NRP1: variants seen among roughly 807,000 people sequenced by gnomAD.
NRP1 encodes the protein neuropilin-1.
A neutral mutation model predicts 106.7 loss-of-function variants in NRP1; 35 were observed. That is an observed-to-expected ratio of 0.33 (90% CI 0.25 to 0.43). NRP1 has a LOEUF of 0.43. Ranked by LOEUF, NRP1 falls within the 20% of genes least tolerant of loss-of-function variation. The pLI, the probability that NRP1 is intolerant of heterozygous loss-of-function variation, is 1.00. For missense variants in NRP1, 1,024 were observed against 1,170.4 expected, an observed-to-expected ratio of 0.87 and a Z score of 1.83; for synonymous variants, 437 against 417.9, an observed-to-expected ratio of 1.05 and a Z score of -0.56.
In NRP1 at chr10:33,254,054, C is replaced by G. The variant is rs1393110479; in HGVS notation, c.955G>C (p.Glu319Gln). The change falls in exon 6 of 17, where the codon GAG (glutamate) becomes CAG (glutamine). Residue 319 changes from glutamate (E) to glutamine (Q), a missense_variant. Physicochemically the swap from Glu to Gln is conservative, Grantham distance 29. This residue lies in a region of NRP1 where 562 missense variants were observed against 620.3 expected (regional missense o/e 0.91). Transcript: ENST00000374867. The stretch of plus-strand genomic sequence containing the variant: ...TGTATCCACTCTCGGTAGGAATCCT[C>G]TCCGGGAGTCCACCCATTCTCAGGG... ...NYPENGWTPG[E>Q]DSYREWIQVD... 8.1e-6 allele frequency: 13 copies of G among 1,612,680 alleles called. No individual in the cohort carries two copies. The highest frequency in any genetic ancestry group is 1.0e-5 in the Non-Finnish European group (12 of 1,179,672).
At chr10:33,242,492 T>A (rs1373628755) in intron 6 of NRP1, among the ~76,000 whole-genome samples, 1 of 152,212 alleles carries the variant, frequency 6.6e-6, no homozygotes, top group Non-Finnish European at 1.5e-5. Context: ...ACCTGGCCAG[T>A]AAAATTCTGC....
chr10:33,210,620 G>A (rs1450363169), intron 9 of NRP1, among the ~76,000 whole-genome samples: 1 of 152,182 alleles, frequency 6.6e-6, no homozygotes, highest in Admixed American at 6.5e-5. Flanking sequence ...GACTTTGAGT[G>A]TTTCGACCTT....
intron 2 of NRP1, among the ~76,000 whole-genome samples, chr10:33,296,675 T>C (rs1221598439): frequency 6.6e-6 from 1 of 152,116 alleles, no homozygotes; most frequent in Non-Finnish European, 1.5e-5. Flanking sequence ...AGTCAGTGAG[T>C]CCCTGGGAAG....
intron 2 of NRP1, among the ~76,000 whole-genome samples, chr10:33,325,953 A>C (rs935698438): frequency 6.6e-6 from 1 of 152,134 alleles, no homozygotes; most frequent in Non-Finnish European, 1.5e-5. Context: ...TCAGTAGGAA[A>C]AGCACTACTG....
intron 2 of NRP1, among the ~76,000 whole-genome samples, chr10:33,308,035 A>G (rs1846293688): frequency 6.6e-6 from 1 of 152,226 alleles, no homozygotes; most frequent in African/African-American, 2.4e-5. Context: ...CTACGCAGCC[A>G]TAAAAAAGAA....
intron 4 of NRP1, among the ~76,000 whole-genome samples, chr10:33,260,577 C>T (rs1201216012): frequency 6.6e-5 from 10 of 152,126 alleles, no homozygotes; most frequent in Non-Finnish European, 1.5e-4. Context: ...CATCCAGCAC[C>T]AACACTTCCA....
At chr10:33,326,566 T>C (rs1847903307) in intron 2 of NRP1, among the ~76,000 whole-genome samples, 1 of 152,158 alleles carries the variant, frequency 6.6e-6, no homozygotes, top group Non-Finnish European at 1.5e-5. Context: ...AAATCCTAGT[T>C]CTGTGTTAGC....
chr10:33,194,594 TC>T (rs1836642954), intron 12 of NRP1: 4 of 408,664 alleles, frequency 9.8e-6, no homozygotes, highest in East Asian at 7.2e-5. Context: ...CCAATGTCCT[TC>T]CCCATCCTGT....
intron 7 of NRP1, among the ~76,000 whole-genome samples, chr10:33,222,470 A>G (rs998801436): frequency 6.6e-6 from 1 of 152,150 alleles, no homozygotes; most frequent in East Asian, 1.9e-4. Flanking sequence ...TTAACTAAAA[A>G]TCAGTTTTTC....
intron 2 of NRP1, among the ~76,000 whole-genome samples, chr10:33,280,427 A>G (rs1036122460): frequency 3.3e-5 from 5 of 152,182 alleles, no homozygotes; most frequent in Non-Finnish European, 7.3e-5. Flanking sequence ...ATTCCCATGT[A>G]AAACTGTGCC....
chr10:33,328,013 AGAGC>A, intron 2 of NRP1, among the ~76,000 whole-genome samples: 1 of 152,128 alleles, frequency 6.6e-6, no homozygotes, highest in Non-Finnish European at 1.5e-5. Flanking sequence ...ACCTTCACAG[AGAGC>A]AAAGCCTCAG....
chr10:33,192,477 T>C, intron 12 of NRP1, 59 bp from the exon 13 acceptor site: 1 of 1,586,374 alleles, frequency 6.3e-7, no homozygotes, highest in Non-Finnish European at 8.6e-7. Flanking sequence ...TTTGATCATT[T>C]AGGGTCACAA....
intron 3 of NRP1, among the ~76,000 whole-genome samples, chr10:33,268,318 A>T (rs1843060911): frequency 6.6e-6 from 1 of 151,874 alleles, no homozygotes; most frequent in Non-Finnish European, 1.5e-5. Flanking sequence ...TGTGAGCAGG[A>T]TAGAGTCACA....
chr10:33,332,878 A>AGTGTGT (rs34920873), intron 1 of NRP1, among the ~76,000 whole-genome samples: 172 of 150,000 alleles, frequency 1.1e-3, no homozygotes, highest in East Asian at 7.9e-3. Context: ...AAAACTAAGA[A>AGTGTGT]GTGTGTGTGT....
intron 8 of NRP1, 123 bp downstream of exon 8, chr10:33,221,596 T>C: frequency 8.8e-7 from 1 of 1,133,388 alleles, no homozygotes; most frequent in Non-Finnish European, 1.3e-6. Context: ...TAGATGCTTT[T>C]AATTGTCAAA....
At position 33,180,149 on chromosome 10, in the gene NRP1, T is replaced by C; in HGVS notation, c.2699A>G (p.Asn900Ser). Reference protein sequence around the residue: ...ERNLSALENYNFELVDGVKLK... With the variant: ...ERNLSALENYSFELVDGVKLK... ...CTTCACACCATCCACAAGTTCAAAG[T>C]TATAGTTCTCCAGGGCAGACAAGTT... is the stretch of plus-strand genomic sequence containing the variant. The change falls in exon 17 of 17, where the codon AAC (asparagine) becomes AGC (serine). Residue 900 changes from asparagine (N) to serine (S), a missense_variant. Asn to Ser is a conservative substitution (Grantham distance 46). Around this residue, in one of 5 missense-constraint regions of NRP1, gnomAD observed 164 missense variants for 161.4 expected, o/e 1.02. Transcript: ENST00000374867. 6.2e-7 allele frequency: 1 copy of C among 1,614,120 alleles called. No individual in the cohort carries two copies. The highest frequency in any genetic ancestry group is 8.5e-7 in the Non-Finnish European group (1 of 1,180,022).
At chr10:33,208,075 G>A (rs558809488) in intron 9 of NRP1, among the ~76,000 whole-genome samples, 48 of 152,154 alleles carry the variant, frequency 3.2e-4, no homozygotes, top group African/African-American at 1.1e-3. Flanking sequence ...ACAGGCACCC[G>A]CCACCATGCC....
At chr10:33,288,643 G>A (rs1420612167) in intron 2 of NRP1, 2 of 152,074 alleles carry the variant, frequency 1.3e-5, no homozygotes, top group South Asian at 2.1e-4. Context: ...GCCTGATGTC[G>A]CTTATCTAAA....
chr10:33,265,456 C>T (rs1385827803), intron 3 of NRP1, among the ~76,000 whole-genome samples: 1 of 152,230 alleles, frequency 6.6e-6, no homozygotes, highest in Non-Finnish European at 1.5e-5. Flanking sequence ...AAGTGCCAGG[C>T]AACTAGAGGC....
Sources: gnomAD v4.1 joint callset for allele counts (sites outside exome capture counted in the v4.1 genomes callset) on GRCh38, gnomAD v4.1.1 for gene constraint, gnomAD v4.1.1 regional missense constraint, MANE v1.5 for transcripts, NCBI Gene and HGNC (gene_info 2026-07-23, HGNC 2026-07-21) for gene names.